The following USP34 variants were observed in gnomAD, a reference collection of about 807,000 sequenced individuals.
USP34 encodes ubiquitin specific peptidase 34.
USP34 carries 70 observed loss-of-function variants against 460.3 expected under a neutral mutation model. The observed-to-expected ratio is 0.15, with a 90% confidence interval of 0.13 to 0.19. The LOEUF (loss-of-function observed/expected upper bound fraction) is 0.19. Ranked by LOEUF, USP34 falls within the 10% of genes least tolerant of loss-of-function variation. The pLI is 1.00. For synonymous variants in USP34, 1,647 were observed against 1,405.3 expected (o/e 1.17, Z -3.85); for missense variants, 3,985 against 4,236.2 (o/e 0.94, Z 1.65).
Position 61,456,615 on chromosome 2 carries a change from G to A in USP34, c.43+14035C>T, listed in dbSNP as rs552428286. Among the ~76,000 whole-genome samples the A allele has an allele frequency of 4.0e-5, 6 of 151,694 alleles. No individual in the cohort carries two copies. The South Asian group carries it at 8.4e-4, about 21-fold the overall frequency. On this transcript the variant is annotated intron_variant, in intron 1 of 79. Transcript: ENST00000398571. Reference sequence around the variant, plus strand: ...GGAGATCACTTGAGCCCAGGAGTTGGAGACCAGCCTGGGAAACATGGTGAA... The same window carrying A: ...GGAGATCACTTGAGCCCAGGAGTTGAAGACCAGCCTGGGAAACATGGTGAA...
chr2:61,290,582 T>C (rs1689820627), intron 33 of USP34, among the ~76,000 whole-genome samples: 1 of 152,084 alleles, frequency 6.6e-6, no homozygotes, highest in African/African-American at 2.4e-5. Flanking sequence ...ACTGATCCAA[T>C]TACATGAAAT....
At chr2:61,227,692 C>A (rs547980643) in intron 61 of USP34, among the ~76,000 whole-genome samples, 2 of 151,364 alleles carry the variant, frequency 1.3e-5, no homozygotes, top group South Asian at 4.2e-4. Flanking sequence ...GCCTGGGAGA[C>A]AGAGTGAGAC....
intron 10 of USP34, among the ~76,000 whole-genome samples, chr2:61,358,674 A>G (rs1402341081): frequency 1.3e-5 from 2 of 152,210 alleles, no homozygotes; most frequent in African/African-American, 4.8e-5. Context: ...AAGATGTAAA[A>G]CTATCTCTAA....
chr2:61,197,262 CTT>C (rs1307005069), intron 75 of USP34, among the ~76,000 whole-genome samples: 2 of 152,116 alleles, frequency 1.3e-5, no homozygotes, highest in African/African-American at 4.8e-5. Context: ...CAGAGTGAGA[CTT>C]TGTCTCAAAA....
intron 75 of USP34, chr2:61,199,905 T>C (rs1686920242): frequency 6.6e-6 from 1 of 152,402 alleles, no homozygotes; most frequent in Non-Finnish European, 1.5e-5. Context: ...GATATTTATC[T>C]TTCTGATATT....
rs766439544 is a variant in USP34 at position 61,222,696 on chromosome 2, CTTGTT to C, written c.7750-38_7750-34del. The C allele has an allele frequency of 8.1e-5, 129 of 1,600,362 alleles. 1 individual carries two copies. Among genetic ancestry groups the C allele is most frequent in the Middle Eastern group, 6.5e-4 (3 of 4,608 alleles). On this transcript the variant is annotated intron_variant, in intron 64 of 79. Coordinates refer to ENST00000398571, the MANE Select transcript of USP34 (RefSeq NM_014709.4). ...AGAAAGAGGAGGATTTCAGGATATT[CTTGTT>C]TTGTTTTGTTTTTGAGACAGGGTTT...
chr2:61,264,606 A>C (rs1032866955), intron 43 of USP34, among the ~76,000 whole-genome samples: 2 of 152,216 alleles, frequency 1.3e-5, no homozygotes, highest in Admixed American at 6.5e-5. Flanking sequence ...ACACCACTGC[A>C]CTCCAGTCAG....
intron 8 of USP34, among the ~76,000 whole-genome samples, chr2:61,374,028 T>A (rs11883889): frequency 5.3e-5 from 8 of 151,740 alleles, no homozygotes; most frequent in African/African-American, 1.7e-4. Context: ...TGGTGGCAGG[T>A]GCCTATAATC....
Position 61,190,552 on chromosome 2 carries a change from A to ATGT in USP34, c.9692_9694dup (p.Asn3231dup), listed in dbSNP as rs747226376. ...GAAATGTGTCATGAACGTGTAGACA[A>ATGT]TGTTGTTGTTTAAAAAAGTTCTTTC... On this transcript the variant is annotated inframe_insertion, in exon 77 of 80. Coordinates refer to ENST00000398571, the MANE Select transcript of USP34 (RefSeq NM_014709.4). 6.2e-7 allele frequency: 1 copy of ATGT among 1,614,078 alleles called. No homozygotes were observed.
At position 61,399,874 on chromosome 2, in the gene USP34, C is replaced by CAAAAAAAAAA. The variant is rs529141667; in HGVS notation, c.553-4651_553-4642dup. 1.4e-3 allele frequency among the ~76,000 whole-genome samples: 99 copies of CAAAAAAAAAA among 70,000 alleles called. 6 individuals are homozygous for CAAAAAAAAAA. Among genetic ancestry groups the CAAAAAAAAAA allele is most frequent in the African/African-American group, 4.4e-3 (76 of 17,408 alleles). The allele number at this position is 70,000 out of a possible 152,430, so 45.9% of individuals were successfully genotyped here. A position where few individuals can be genotyped will look rare whatever the true frequency, so the allele number is the denominator to read the frequency against. On this transcript the variant is annotated intron_variant, in intron 3 of 79. Coordinates refer to ENST00000398571, the MANE Select transcript of USP34 (RefSeq NM_014709.4). ...GGCAACAGTGCGAGACACTGTCTCC[C>CAAAAAAAAAA]AAAAAAAAAAAAAAAAAGCTGTATT...
At chr2:61,332,009 G>A (rs1231190242) in intron 19 of USP34, among the ~76,000 whole-genome samples, 1 of 151,936 alleles carries the variant, frequency 6.6e-6, no homozygotes, top group Non-Finnish European at 1.5e-5. Flanking sequence ...TTTACATCGT[G>A]TTTCTGTTAT....
chr2:61,245,920 A>G (rs1387364512), intron 50 of USP34, among the ~76,000 whole-genome samples: 1 of 152,196 alleles, frequency 6.6e-6, no homozygotes, highest in East Asian at 1.9e-4. Flanking sequence ...ACTTGATAAA[A>G]GGATAAAAAG....
At chr2:61,326,032 G>C (rs1171615082) in intron 20 of USP34, among the ~76,000 whole-genome samples, 1 of 152,132 alleles carries the variant, frequency 6.6e-6, no homozygotes, top group Non-Finnish European at 1.5e-5. Context: ...GCAACTTTTA[G>C]TGAGGTAGGG....
At chr2:61,194,036 T>C (rs1384452563) in intron 75 of USP34, 1 of 794,388 alleles carries the variant, frequency 1.3e-6, no homozygotes. Flanking sequence ...AAACTATTCT[T>C]AGCTAGCAGG....
rs772337462 is a variant in USP34 at position 61,378,372 on chromosome 2, T to G, written c.1067A>C (p.Asp356Ala). 1.3e-6 allele frequency: 2 copies of G among 1,593,582 alleles called. No homozygotes were observed. Among genetic ancestry groups the G allele is most frequent in the Non-Finnish European group, 1.7e-6 (2 of 1,171,702 alleles). ...DVCNNESLVS[D>A]TETSIAKELA... ...TAATGCTCCTACTTACGTTTCTGTGTCCGATACTAATGATTCATTATTGCA... is the reference window on the plus strand; with the variant it reads ...TAATGCTCCTACTTACGTTTCTGTGGCCGATACTAATGATTCATTATTGCA... The change falls in exon 8 of 80, where the codon GAC (aspartate) becomes GCC (alanine). Residue 356 changes from aspartate (D) to alanine (A), a missense_variant. Physicochemically the swap from Asp to Ala is moderately radical, Grantham distance 126. This residue lies in a region of USP34 where 716 missense variants were observed against 626.2 expected (regional missense o/e 1.14). Coordinates refer to ENST00000398571, the MANE Select transcript of USP34 (RefSeq NM_014709.4).
At position 61,196,069 on chromosome 2, in the gene USP34, A is replaced by ATTTTTTTTTTTTTTTT. The variant is rs71403398; in HGVS notation, c.9509-3105_9509-3090dup. 1.9e-4 allele frequency among the ~76,000 whole-genome samples: 8 copies of ATTTTTTTTTTTTTTTT among 41,576 alleles called. 1 individual carries two copies. Among genetic ancestry groups the ATTTTTTTTTTTTTTTT allele is most frequent in the African/African-American group, 4.2e-4 (4 of 9,518 alleles). 27.3% of individuals were successfully genotyped at this position (41,576 alleles called of 152,430 possible). A position where few individuals can be genotyped will look rare whatever the true frequency, so the allele number is the denominator to read the frequency against. On this transcript the variant is annotated intron_variant, in intron 75 of 79. Coordinates refer to ENST00000398571, the MANE Select transcript of USP34 (RefSeq NM_014709.4). ...CTACAGGTATGCACCACCATGCACGATTTTTTTTTTTTTTTTTTTTTTTTT... is the reference window on the plus strand; with the variant it reads ...CTACAGGTATGCACCACCATGCACGATTTTTTTTTTTTTTTTTTTTTTTTTTTTTTTTTTTTTTTTT...
chr2:61,219,877 G>A, intron 67 of USP34, among the ~76,000 whole-genome samples: 1 of 151,646 alleles, frequency 6.6e-6, no homozygotes, highest in East Asian at 1.9e-4. Context: ...AAATATTTTT[G>A]ATATGTGTCT....
chr2:61,470,349 C>T (rs1357458090), intron 1 of USP34, among the ~76,000 whole-genome samples: 1 of 152,104 alleles, frequency 6.6e-6, no homozygotes, highest in East Asian at 1.9e-4. Flanking sequence ...GCGAGGGGTT[C>T]ATTACTGCCT....
intron 76 of USP34, among the ~76,000 whole-genome samples, chr2:61,192,551 G>C (rs545549632): frequency 6.6e-6 from 1 of 152,356 alleles, no homozygotes; most frequent in South Asian, 2.1e-4. Context: ...AAGAGGTAGA[G>C]ACAGGGAGGT....
Sources: allele counts gnomAD v4.1 joint callset (sites outside exome capture counted in the v4.1 genomes callset), GRCh38; gene constraint gnomAD v4.1.1; regional missense constraint gnomAD v4.1.1; transcripts MANE v1.5; gene names NCBI Gene and HGNC (gene_info 2026-07-23, HGNC 2026-07-21).